Variants in MBOAT1 observed in about 807,000 individuals in gnomAD.
MBOAT1 encodes membrane-bound glycerophospholipid O-acyltransferase 1.
In MBOAT1, 67 loss-of-function variants were observed where a neutral mutation model predicts 64.4. The observed-to-expected ratio is 1.04, with a 90% CI of 0.85 to 1.27. The LOEUF is 1.27. MBOAT1 is among the 50% of genes most tolerant of loss of function. The pLI, the probability that MBOAT1 is intolerant of heterozygous loss-of-function variation, is 0.00. For synonymous variants in MBOAT1, 229 were observed against 218.9 expected (o/e 1.05, Z -0.41); for missense variants, 563 against 604.6 (o/e 0.93, Z 0.72).
At chr6:20,104,813 G>A (rs1759903802) in intron 12 of MBOAT1, among the ~76,000 whole-genome samples, 2 of 152,162 alleles carry the variant, frequency 1.3e-5, no homozygotes, top group African/African-American at 4.8e-5. Context: ...ATAGTGAAGA[G>A]CTCGAACAGA....
chr6:20,162,668 G>A (rs571769506), intron 1 of MBOAT1, among the ~76,000 whole-genome samples: 12 of 152,194 alleles, frequency 7.9e-5, no homozygotes, highest in South Asian at 2.1e-4. Flanking sequence ...GAGAAAACTC[G>A]CACAAAGTCA....
intron 8 of MBOAT1, 77 bp downstream of exon 8, chr6:20,124,331 A>C: frequency 6.8e-7 from 1 of 1,469,754 alleles, no homozygotes; most frequent in South Asian, 1.3e-5. Context: ...GAAGTGATCC[A>C]AAACGTCGTT....
intron 1 of MBOAT1, among the ~76,000 whole-genome samples, chr6:20,165,694 G>A (rs904822039): frequency 6.6e-6 from 1 of 151,264 alleles, no homozygotes; most frequent in African/African-American, 2.4e-5. Flanking sequence ...AGTGAGCCGC[G>A]ATCGTGCCAG....
intron 3 of MBOAT1, among the ~76,000 whole-genome samples, chr6:20,144,826 G>C (rs1218460462): frequency 6.6e-6 from 1 of 151,956 alleles, no homozygotes; most frequent in Admixed American, 6.5e-5. Context: ...TTCCTCCAAG[G>C]CTCCTTGCTC....
chr6:20,168,780 A>G (rs1181037104), intron 1 of MBOAT1, among the ~76,000 whole-genome samples: 5 of 78,834 alleles, frequency 6.3e-5, no homozygotes, highest in African/African-American at 1.0e-4. Context: ...GAGGAGGGGA[A>G]GGGAAGGGAA....
intron 1 of MBOAT1, among the ~76,000 whole-genome samples, chr6:20,199,967 C>CA (rs11325356): frequency 1.2e-4 from 18 of 150,578 alleles, no homozygotes; most frequent in South Asian, 4.2e-4. Context: ...GACTCTGTCT[C>CA]AAAAAAAAAT....
chr6:20,208,956 A>G (rs1436201053), intron 1 of MBOAT1, among the ~76,000 whole-genome samples: 1 of 152,214 alleles, frequency 6.6e-6, no homozygotes, highest in Non-Finnish European at 1.5e-5. Context: ...TTGGCAACTG[A>G]GTCAGTCTTG....
intron 11 of MBOAT1, 152 bp from the exon 12 acceptor site, chr6:20,109,901 A>ATTTTTTTTTTTT (rs756853889): frequency 6.7e-6 from 2 of 296,680 alleles, no homozygotes; most frequent in Non-Finnish European, 5.7e-6. Flanking sequence ...TACCATCAGG[A>ATTTTTTTTTTTT]CTTTTTTTTT....
chr6:20,154,497 C>T (rs2113699262), intron 1 of MBOAT1, among the ~76,000 whole-genome samples: 1 of 152,158 alleles, frequency 6.6e-6, no homozygotes, highest in East Asian at 1.9e-4. Context: ...CGCACCACTG[C>T]ACTCCAGCCT....
At position 20,124,638 on chromosome 6, in the gene MBOAT1, G is replaced by T. The variant is rs750884287; in HGVS notation, c.715-38C>A. On this transcript the variant is annotated intron_variant, in intron 7 of 12. Coordinates refer to ENST00000324607, the MANE Select transcript of MBOAT1 (RefSeq NM_001080480.3). ...AAAAATCAGTGTCACCGTGCAGAAG[G>T]CTCAGGTATGAAGAAAACAGCTTTG... 26 of 1,598,062 alleles carry T rather than the reference G, an allele frequency of 1.6e-5. No individual in the cohort carries two copies. The South Asian group carries it at 2.7e-4, about 16-fold the overall frequency.
At chr6:20,139,951 GT>G (rs1206889539) in intron 4 of MBOAT1, among the ~76,000 whole-genome samples, 1 of 152,104 alleles carries the variant, frequency 6.6e-6, no homozygotes, top group Non-Finnish European at 1.5e-5. Context: ...TATACACAGG[GT>G]TCCCCAGTCA....
At chr6:20,143,990 G>A (rs968724380) in intron 4 of MBOAT1, among the ~76,000 whole-genome samples, 4 of 152,214 alleles carry the variant, frequency 2.6e-5, no homozygotes, top group Non-Finnish European at 5.9e-5. Flanking sequence ...ACAGGTAGCA[G>A]GACAGATATG....
chr6:20,167,168 T>C (rs976337111), intron 1 of MBOAT1, among the ~76,000 whole-genome samples: 1 of 152,212 alleles, frequency 6.6e-6, no homozygotes, highest in Non-Finnish European at 1.5e-5. Context: ...TGACATAATT[T>C]ACTCAACCGT....
intron 11 of MBOAT1, among the ~76,000 whole-genome samples, chr6:20,111,835 C>CATATATATATATATATATAT: frequency 1.2e-5 from 1 of 86,788 alleles, no homozygotes; most frequent in Non-Finnish European, 2.4e-5. Context: ...CATATATATA[C>CATATATATATATATATATAT]ACATATATAT....
intron 1 of MBOAT1, among the ~76,000 whole-genome samples, chr6:20,191,382 G>C (rs1241744610): frequency 6.6e-6 from 1 of 152,198 alleles, no homozygotes; most frequent in African/African-American, 2.4e-5. Context: ...AGCAGAAAAA[G>C]ACTAAGACAA....
intron 3 of MBOAT1, among the ~76,000 whole-genome samples, 167 bp from the exon 4 acceptor site, chr6:20,144,482 C>T (rs1311074664): frequency 6.6e-6 from 1 of 152,100 alleles, no homozygotes; most frequent in East Asian, 1.9e-4. Flanking sequence ...TAGCTGAACC[C>T]CTCATCTCTT....
chr6:20,207,579 AT>A (rs1233471590), intron 1 of MBOAT1, among the ~76,000 whole-genome samples: 2 of 152,356 alleles, frequency 1.3e-5, no homozygotes, highest in East Asian at 3.8e-4. Flanking sequence ...GTTAAAAAAA[AT>A]CTAAGGAAGA....
chr6:20,104,070 T>C (rs897817214), intron 12 of MBOAT1, among the ~76,000 whole-genome samples: 1 of 152,228 alleles, frequency 6.6e-6, no homozygotes. Context: ...CAAATACTTA[T>C]TGTGTTCAAA....
intron 1 of MBOAT1, among the ~76,000 whole-genome samples, chr6:20,197,731 C>T (rs1453442128): frequency 1.3e-5 from 2 of 152,104 alleles, no homozygotes; most frequent in Non-Finnish European, 2.9e-5. Flanking sequence ...TGTATAAAAC[C>T]AAGCTGTGCC....
Sources: allele counts gnomAD v4.1 joint callset (sites outside exome capture counted in the v4.1 genomes callset), GRCh38; gene constraint gnomAD v4.1.1; transcripts MANE v1.5; gene names NCBI Gene and HGNC (gene_info 2026-07-23, HGNC 2026-07-21).